Variants in IQCJ observed in about 807,000 individuals in gnomAD.
IQCJ encodes IQ domain-containing protein J.
A neutral mutation model predicts 11.0 loss-of-function variants in IQCJ; 9 were observed. That is an observed-to-expected ratio of 0.82 (90% confidence interval 0.49 to 1.43). The LOEUF (loss-of-function observed/expected upper bound fraction) is 1.43. IQCJ is among the 40% of genes most tolerant of loss of function. IQCJ has a pLI of 0.00. For missense variants in IQCJ, 146 were observed against 133.2 expected, an observed-to-expected ratio of 1.10 and a Z score of -0.47; for synonymous variants, 55 against 51.3, an observed-to-expected ratio of 1.07 and a Z score of -0.31.
At chr3:159,120,572 C>T (rs971597068) in intron 1 of IQCJ, among the ~76,000 whole-genome samples, 1 of 152,202 alleles carries the variant, frequency 6.6e-6, no homozygotes, top group African/African-American at 2.4e-5. Context: ...GAAAACAGGA[C>T]TTGGTGAACA....
chr3:159,131,239 G>GA (rs1017210009), intron 1 of IQCJ, among the ~76,000 whole-genome samples: 1 of 152,072 alleles, frequency 6.6e-6, no homozygotes, highest in African/African-American at 2.4e-5. Flanking sequence ...TGTCAAATAA[G>GA]AATGACATCA....
chr3:159,209,111 C>T (rs998264325), intron 1 of IQCJ, among the ~76,000 whole-genome samples: 1 of 152,202 alleles, frequency 6.6e-6, no homozygotes, highest in Non-Finnish European at 1.5e-5. Flanking sequence ...CCACCCTGAT[C>T]TGCCACACCC....
chr3:159,132,750 G>A (rs911498827), intron 1 of IQCJ, among the ~76,000 whole-genome samples: 1 of 152,240 alleles, frequency 6.6e-6, no homozygotes, highest in Non-Finnish European at 1.5e-5. Flanking sequence ...GAATTCAAAA[G>A]CATAATCTAA....
intron 1 of IQCJ, among the ~76,000 whole-genome samples, chr3:159,084,300 G>GAATTTATC (rs752509289): frequency 7.1e-4 from 108 of 152,016 alleles, no homozygotes; most frequent in Non-Finnish European, 1.3e-3. Flanking sequence ...GATAAATTCG[G>GAATTTATC]TTTGGAAATG....
At chr3:159,124,501 C>T (rs572412846) in intron 1 of IQCJ, among the ~76,000 whole-genome samples, 3 of 152,140 alleles carry the variant, frequency 2.0e-5, no homozygotes, top group Non-Finnish European at 4.4e-5. Flanking sequence ...CATTCTTCAG[C>T]TGTCAGCTCA....
intron 1 of IQCJ, among the ~76,000 whole-genome samples, chr3:159,147,555 G>A (rs183734924): frequency 1.2e-4 from 18 of 152,226 alleles, no homozygotes; most frequent in African/African-American, 3.1e-4. Context: ...AACATCCTGC[G>A]AACTGATTGT....
intron 1 of IQCJ, among the ~76,000 whole-genome samples, chr3:159,232,656 T>A (rs1726331102): frequency 6.6e-6 from 1 of 152,088 alleles, no homozygotes; most frequent in African/African-American, 2.4e-5. Flanking sequence ...GTGGTCAATT[T>A]TAGAGTAAGT....
chr3:159,093,361 A>G (rs1717478031), intron 1 of IQCJ, among the ~76,000 whole-genome samples: 1 of 151,862 alleles, frequency 6.6e-6, no homozygotes, highest in African/African-American at 2.4e-5. Flanking sequence ...CTTTTATATC[A>G]CCACTTCCAA....
At chr3:159,166,685 T>C (rs1441913422) in intron 1 of IQCJ, among the ~76,000 whole-genome samples, 2 of 152,172 alleles carry the variant, frequency 1.3e-5, no homozygotes, top group African/African-American at 4.8e-5. Context: ...TTTTCTTCTG[T>C]GTGGAGGCTG....
intron 1 of IQCJ, among the ~76,000 whole-genome samples, chr3:159,168,326 G>A (rs1253376564): frequency 2.0e-5 from 3 of 152,140 alleles, no homozygotes; most frequent in African/African-American, 7.2e-5. Flanking sequence ...AAACAGGAAC[G>A]CTTAACAGGC....
At chr3:159,078,417 A>G (rs1355291203) in intron 1 of IQCJ, among the ~76,000 whole-genome samples, 3 of 152,072 alleles carry the variant, frequency 2.0e-5, no homozygotes, top group African/African-American at 7.2e-5. Flanking sequence ...CTCACAAACA[A>G]GGTATTTAGG....
At chr3:159,232,271 C>G (rs746271755) in intron 1 of IQCJ, among the ~76,000 whole-genome samples, 2 of 151,976 alleles carry the variant, frequency 1.3e-5, no homozygotes, top group Non-Finnish European at 2.9e-5. Context: ...GCATTTAGTC[C>G]TATAAATTTC....
At chr3:159,182,504 G>T (rs893987455) in intron 1 of IQCJ, among the ~76,000 whole-genome samples, 3 of 152,042 alleles carry the variant, frequency 2.0e-5, no homozygotes, top group Non-Finnish European at 4.4e-5. Flanking sequence ...GAAGGAAGGG[G>T]CTTATTCGGC....
At chr3:159,246,279 T>G (rs1024035518) in intron 2 of IQCJ, among the ~76,000 whole-genome samples, 1 of 152,112 alleles carries the variant, frequency 6.6e-6, no homozygotes, top group African/African-American at 2.4e-5. Context: ...ACATTCAAAT[T>G]AACACTACAG....
At chr3:159,084,223 T>C (rs1716537371) in intron 1 of IQCJ, among the ~76,000 whole-genome samples, 1 of 147,492 alleles carries the variant, frequency 6.8e-6, no homozygotes, top group Non-Finnish European at 1.5e-5. Context: ...AAAAATTGTA[T>C]GAATCTACAA....
chr3:159,258,535 G>C (rs563601899), intron 3 of IQCJ, among the ~76,000 whole-genome samples: 1 of 152,088 alleles, frequency 6.6e-6, no homozygotes, highest in Non-Finnish European at 1.5e-5. Context: ...TTCACTTGTG[G>C]TAAGGATTGA....
intron 3 of IQCJ, among the ~76,000 whole-genome samples, chr3:159,256,043 G>A (rs1033502917): frequency 3.9e-5 from 6 of 152,182 alleles, no homozygotes; most frequent in African/African-American, 1.4e-4. Flanking sequence ...GGCTCCCCCA[G>A]CCCCAACAGG....
At position 159,261,757 on chromosome 3, in the gene IQCJ, C is replaced by T. The variant is rs755311285; in HGVS notation, c.156-791C>T. Reference sequence around the variant, plus strand: ...TTAGCTTATATTAAGAAGAGGTTTCCGTTATCCTGAGCAGAAGATAATTTA... The same window carrying T: ...TTAGCTTATATTAAGAAGAGGTTTCTGTTATCCTGAGCAGAAGATAATTTA... On this transcript the variant is annotated intron_variant, in intron 3 of 3. Transcript: ENST00000397832. Among the ~76,000 whole-genome samples the T allele has an allele frequency of 6.4e-4, 98 of 152,282 alleles. 1 individual carries two copies. Among genetic ancestry groups the T allele is most frequent in the Admixed American group, 3.9e-4 (6 of 15,298 alleles).
intron 1 of IQCJ, among the ~76,000 whole-genome samples, chr3:159,071,040 A>C (rs949728748): frequency 6.6e-6 from 1 of 152,046 alleles, no homozygotes; most frequent in East Asian, 1.9e-4. Context: ...ATAAAAATGA[A>C]TATTATTAAG....
Sources: allele counts gnomAD v4.1 joint callset (sites outside exome capture counted in the v4.1 genomes callset), GRCh38; gene constraint gnomAD v4.1.1; transcripts MANE v1.5; gene names NCBI Gene and HGNC (gene_info 2026-07-23, HGNC 2026-07-21).